Variants in ROBO1 observed in about 807,000 individuals in gnomAD.
ROBO1 encodes the protein roundabout guidance receptor 1.
Under a neutral mutation model 195.9 loss-of-function variants are expected in ROBO1, and 149 were observed. That is an observed-to-expected ratio of 0.76 (90% CI 0.67 to 0.87). The LOEUF (loss-of-function observed/expected upper bound fraction) is 0.87, where lower values mean the gene tolerates loss of function less well. Ranked by LOEUF, ROBO1 falls within the 40% of genes least tolerant of loss-of-function variation. ROBO1 has a pLI of 0.00. For synonymous variants in ROBO1, 816 were observed against 733.2 expected (o/e 1.11, Z -1.82); for missense variants, 1,933 against 2,068.3 (o/e 0.93, Z 1.27).
chr3:78,673,626 G>A lies in ROBO1; in HGVS notation c.1343-3325C>T, dbSNP rs1280485463. On this transcript the variant is annotated intron_variant, in intron 10 of 30. Coordinates refer to ENST00000464233, the MANE Select transcript of ROBO1 (RefSeq NM_002941.4). ...TATATACACACATATATTACAGCAGGGTTATAAAAGTTTAGCTATCTTTTC... is the reference window on the plus strand; with the variant it reads ...TATATACACACATATATTACAGCAGAGTTATAAAAGTTTAGCTATCTTTTC... Among the ~76,000 whole-genome samples, 15 of 111,016 alleles carry A rather than the reference G, an allele frequency of 1.4e-4. No individual in the cohort carries two copies. The Admixed American group carries it at 1.4e-3, about 10-fold the overall frequency. The allele number at this position is 111,016 out of a possible 152,430, so 72.8% of individuals were successfully genotyped here.
chr3:78,947,266 G>A (rs1174264953), intron 3 of ROBO1, among the ~76,000 whole-genome samples: 1 of 152,042 alleles, frequency 6.6e-6, no homozygotes, highest in Non-Finnish European at 1.5e-5. Flanking sequence ...TGACCACATA[G>A]TAGGAAGTAA....
intron 2 of ROBO1, among the ~76,000 whole-genome samples, chr3:79,555,864 G>A (rs539748570): frequency 3.9e-4 from 59 of 152,232 alleles, no homozygotes; most frequent in African/African-American, 1.3e-3. Flanking sequence ...TGATGTTAGA[G>A]CTAATGTACT....
chr3:79,579,720 A>T (rs564954456), intron 2 of ROBO1, among the ~76,000 whole-genome samples: 1 of 152,346 alleles, frequency 6.6e-6, no homozygotes, highest in African/African-American at 2.4e-5. Context: ...AAAGTAACAC[A>T]ACTTTTTACA....
At chr3:79,550,223 AAAG>A (rs1942456444) in intron 2 of ROBO1, among the ~76,000 whole-genome samples, 1 of 145,936 alleles carries the variant, frequency 6.9e-6, no homozygotes, top group South Asian at 2.2e-4. Context: ...AAAGAAAAGA[AAAG>A]AAAAGAAAAG....
chr3:79,426,176 C>T (rs1227367516), intron 2 of ROBO1, among the ~76,000 whole-genome samples: 1 of 152,032 alleles, frequency 6.6e-6, no homozygotes, highest in African/African-American at 2.4e-5. Context: ...GATAAAATAT[C>T]ATTGCATCAA....
At chr3:79,630,520 T>C (rs576397914) in intron 1 of ROBO1, among the ~76,000 whole-genome samples, 2 of 151,918 alleles carry the variant, frequency 1.3e-5, no homozygotes, top group Non-Finnish European at 2.9e-5. Context: ...AATACCAATC[T>C]ATAGCCAACA....
At chr3:78,844,875 A>C (rs1186626333) in intron 4 of ROBO1, among the ~76,000 whole-genome samples, 2 of 152,098 alleles carry the variant, frequency 1.3e-5, no homozygotes, top group Non-Finnish European at 2.9e-5. Context: ...AGCAGTCTCT[A>C]GAAAATGAGG....
At chr3:79,003,298 C>G (rs1379095700) in intron 3 of ROBO1, among the ~76,000 whole-genome samples, 1 of 151,964 alleles carries the variant, frequency 6.6e-6, no homozygotes. Context: ...TTTGAAATCA[C>G]CGGGAGGGGA....
chr3:79,711,623 C>T (rs892576038), intron 1 of ROBO1, among the ~76,000 whole-genome samples: 3 of 152,056 alleles, frequency 2.0e-5, no homozygotes, highest in Non-Finnish European at 4.4e-5. Context: ...TGAATGCTAC[C>T]GCTCTTGCTA....
At chr3:79,577,665 C>G (rs909535737) in intron 2 of ROBO1, among the ~76,000 whole-genome samples, 1 of 151,078 alleles carries the variant, frequency 6.6e-6, no homozygotes, top group Admixed American at 6.6e-5. Context: ...CACTTGAGGT[C>G]AAGAATTTGA....
At chr3:79,747,383 A>G (rs1002299111) in intron 1 of ROBO1, among the ~76,000 whole-genome samples, 1 of 152,100 alleles carries the variant, frequency 6.6e-6, no homozygotes, top group East Asian at 1.9e-4. Flanking sequence ...AAAGCACTCT[A>G]TGTTAATGAG....
chr3:79,766,471 G>T (rs182195544), intron 1 of ROBO1, among the ~76,000 whole-genome samples: 1 of 151,686 alleles, frequency 6.6e-6, no homozygotes, highest in African/African-American at 2.4e-5. Context: ...CTCCTAGAAG[G>T]GTATCCCAGG....
chr3:79,285,017 A>C (rs2031798187), intron 2 of ROBO1, among the ~76,000 whole-genome samples: 1 of 152,174 alleles, frequency 6.6e-6, no homozygotes, highest in Admixed American at 6.5e-5. Context: ...ATGCTTACTC[A>C]TACCTATAAA....
At chr3:79,581,841 A>G (rs1190337768) in intron 2 of ROBO1, among the ~76,000 whole-genome samples, 1 of 152,110 alleles carries the variant, frequency 6.6e-6, no homozygotes, top group Non-Finnish European at 1.5e-5. Context: ...TACAAATCTT[A>G]AGCAATATAT....
intron 2 of ROBO1, among the ~76,000 whole-genome samples, chr3:79,462,051 A>C (rs984247365): frequency 1.3e-5 from 2 of 152,194 alleles, no homozygotes; most frequent in African/African-American, 2.4e-5. Context: ...TATATCAGTC[A>C]AGGTAGTATT....
intron 5 of ROBO1, among the ~76,000 whole-genome samples, chr3:78,744,667 T>A (rs1443206828): frequency 6.6e-6 from 1 of 152,170 alleles, no homozygotes; most frequent in Non-Finnish European, 1.5e-5. Flanking sequence ...TAGAATACCC[T>A]TTTTCCAGAC....
chr3:78,981,456 TG>T (rs2076988176), intron 3 of ROBO1, among the ~76,000 whole-genome samples: 1 of 152,180 alleles, frequency 6.6e-6, no homozygotes, highest in Non-Finnish European at 1.5e-5. Flanking sequence ...GTTTTAATTG[TG>T]GTAAAAAACA....
At chr3:78,930,809 T>G (rs2039479811) in intron 4 of ROBO1, among the ~76,000 whole-genome samples, 1 of 152,198 alleles carries the variant, frequency 6.6e-6, no homozygotes, top group Admixed American at 6.5e-5. Flanking sequence ...GTCCTCTGAC[T>G]ATTATGCAAC....
chr3:79,330,312 AAAAT>A (rs202119973), intron 2 of ROBO1, among the ~76,000 whole-genome samples: 4 of 147,450 alleles, frequency 2.7e-5, no homozygotes, highest in Non-Finnish European at 4.5e-5. Flanking sequence ...ATTTCCTCAA[AAAAT>A]AAATAAATAA....
Sources: allele counts gnomAD v4.1 joint callset (sites outside exome capture counted in the v4.1 genomes callset), GRCh38; gene constraint gnomAD v4.1.1; transcripts MANE v1.5; gene names NCBI Gene and HGNC (gene_info 2026-07-23, HGNC 2026-07-21).